Variants in USH1C observed in about 807,000 individuals in gnomAD.
The protein encoded by USH1C is harmonin.
In USH1C, 90 loss-of-function variants were observed where a neutral mutation model predicts 119.3. That is an observed-to-expected ratio of 0.75 (90% CI 0.64 to 0.90). The LOEUF is 0.90. USH1C is among the 40% of genes least tolerant of loss of function. USH1C has a pLI of 0.00. For missense variants in USH1C, 1,165 were observed against 1,167.7 expected (o/e 1.00, Z 0.03); for synonymous variants, 465 against 443.3 (o/e 1.05, Z -0.62).
rs566940973 is a variant in USH1C at position 17,521,513 on chromosome 11, A to G, written c.1020-102T>C. 8.7e-6 allele frequency: 11 copies of G among 1,258,674 alleles called. No individual in the cohort carries two copies. The African/African-American group carries it at 1.5e-4, about 17-fold the overall frequency. 78.0% of individuals were successfully genotyped at this position (1,258,674 alleles called of 1,614,324 possible). A position where few individuals can be genotyped will look rare whatever the true frequency, so the allele number is the denominator to read the frequency against. On this transcript the variant is annotated intron_variant, in intron 12 of 26. Transcript: ENST00000005226. ...TTGGAGAAAAGTTGGATTTTTCTCC[A>G]GGCTCCCTTCCTAGGAGGCCTGGAC...
intron 1 of USH1C, among the ~76,000 whole-genome samples, chr11:17,541,074 G>T (rs186362481): frequency 8.4e-4 from 128 of 152,244 alleles, no homozygotes; most frequent in East Asian, 3.9e-4. Context: ...TTTAGGGAAT[G>T]CTCTTCTACA....
At chr11:17,511,594 G>A (rs991431801) in intron 16 of USH1C, among the ~76,000 whole-genome samples, 1 of 152,142 alleles carries the variant, frequency 6.6e-6, no homozygotes, top group Non-Finnish European at 1.5e-5. Context: ...CCTACCATCT[G>A]GTCAGAAAGG....
intron 23 of USH1C, among the ~76,000 whole-genome samples, chr11:17,499,323 T>G (rs541238954): frequency 6.6e-6 from 1 of 152,320 alleles, no homozygotes; most frequent in African/African-American, 2.4e-5. Context: ...ACACACGTGC[T>G]CCTAGGGAAG....
At chr11:17,502,210 C>T (rs1037177130) in intron 20 of USH1C, among the ~76,000 whole-genome samples, 4 of 152,086 alleles carry the variant, frequency 2.6e-5, no homozygotes, top group Non-Finnish European at 1.5e-5. Flanking sequence ...GGATCTTGAC[C>T]CTGCCCTGCT....
chr11:17,505,802 C>T (rs1302877133), intron 19 of USH1C, 28 bp downstream of exon 19: 2 of 1,613,752 alleles, frequency 1.2e-6, no homozygotes, highest in Non-Finnish European at 1.7e-6. Flanking sequence ...CCTCTAGAGA[C>T]AACCTGGAGG....
rs911185149 is a variant in USH1C, at chr11:17,520,774, C to T, written c.1210+96G>A. On this transcript the variant is annotated intron_variant, in intron 14 of 26. Transcript: ENST00000005226. The stretch of plus-strand genomic sequence containing the variant: ...ATGAAGGAACCACAGCCCAGAGCAC[C>T]AAGGGCTATCCATCTAGGAGGTGGT... The T allele has an allele frequency of 3.4e-6, 5 of 1,460,082 alleles. No homozygotes were observed. The African/African-American group carries it at 7.0e-5, about 20-fold the overall frequency. 90.4% of individuals were successfully genotyped at this position (1,460,082 alleles called of 1,614,324 possible).
intron 19 of USH1C, among the ~76,000 whole-genome samples, chr11:17,505,498 G>A (rs1849614297): frequency 6.6e-6 from 1 of 152,240 alleles, no homozygotes; most frequent in South Asian, 2.1e-4. Flanking sequence ...ATGACCACAG[G>A]AACCATCTCA....
rs566415852 is a variant in USH1C, at chr11:17,527,753, G to A, written c.388-422C>T. Among the ~76,000 whole-genome samples, 5 of 152,304 alleles carry A rather than the reference G, an allele frequency of 3.3e-5. 1 individual carries two copies. The South Asian group carries it at 8.3e-4, about 25-fold the overall frequency. On this transcript the variant is annotated intron_variant, in intron 4 of 26. Transcript: ENST00000005226. ...GGACTTTGTCCCAACCCACCCCTAGGAAGTTGGCTCCCTATCTCTGTTAAT... is the reference window on the plus strand; with the variant it reads ...GGACTTTGTCCCAACCCACCCCTAGAAAGTTGGCTCCCTATCTCTGTTAAT...
intron 1 of USH1C, among the ~76,000 whole-genome samples, chr11:17,539,971 A>G (rs948231995): frequency 1.3e-5 from 2 of 151,536 alleles, no homozygotes; most frequent in East Asian, 1.9e-4. Context: ...AGCTGGGACT[A>G]CAGGTGCACA....
At chr11:17,533,644 C>T in intron 1 of USH1C, 1 of 516,972 alleles carries the variant, frequency 1.9e-6, no homozygotes, top group Non-Finnish European at 3.7e-6. Context: ...GTGACAGTGA[C>T]ACGCTGCCAT....
chr11:17,541,654 C>G (rs914514335), intron 1 of USH1C, among the ~76,000 whole-genome samples: 4 of 152,230 alleles, frequency 2.6e-5, no homozygotes, highest in Non-Finnish European at 5.9e-5. Context: ...CCTGCTCCCC[C>G]ACATCCTGGC....
At position 17,501,519 on chromosome 11, in the gene USH1C, A is replaced by T. The variant is rs974123483; in HGVS notation, c.2243T>A (p.Ile748Asn). The change falls in exon 22 of 27, where the codon ATC (isoleucine) becomes AAC (asparagine). Residue 748 changes from isoleucine to asparagine, a missense_variant. Ile to Asn is a moderately radical substitution (Grantham distance 149). Transcript: ENST00000005226. Reference protein sequence around the residue: ...DPYSMFTPEQIMGKDVRLLRI... With the variant: ...DPYSMFTPEQNMGKDVRLLRI... ...TAGGAGCCGGACATCCTTCCCCATG[A>T]TCTGCTCTGGGGTGAACTAGAGAGA... 1.2e-6 allele frequency: 2 copies of T among 1,612,900 alleles called. No individual in the cohort carries two copies. The highest frequency in any genetic ancestry group is 2.7e-5 in the African/African-American group (2 of 74,896).
chr11:17,521,846 T>C (rs2133872228), intron 12 of USH1C, among the ~76,000 whole-genome samples: 1 of 152,330 alleles, frequency 6.6e-6, no homozygotes, highest in Admixed American at 6.5e-5. Flanking sequence ...AATTGATTGA[T>C]TGATTGAGAC....
At position 17,496,638 on chromosome 11, in the gene USH1C, A is replaced by C. The variant is rs1346598345; in HGVS notation, c.2546+120T>G. 5 of 1,236,930 alleles carry C rather than the reference A, an allele frequency of 4.0e-6. No individual in the cohort carries two copies. In the African/African-American group the frequency reaches 6.0e-5, roughly 15 times the overall value. 76.6% of individuals were successfully genotyped at this position (1,236,930 alleles called of 1,614,324 possible). A position where few individuals can be genotyped will look rare whatever the true frequency, so the allele number is the denominator to read the frequency against. ...TTTTCTAGGAGCTCTGGCTATGAGAAGCTGCGTGCTTGGGCCATTCCTTCA... is the reference window on the plus strand; with the variant it reads ...TTTTCTAGGAGCTCTGGCTATGAGACGCTGCGTGCTTGGGCCATTCCTTCA... On this transcript the variant is annotated intron_variant, in intron 25 of 26. Coordinates refer to ENST00000005226, the MANE Select transcript of USH1C (RefSeq NM_153676.4).
chr11:17,501,458 A>G (rs1299157134), intron 22 of USH1C, 24 bp downstream of exon 22: 1 of 1,609,730 alleles, frequency 6.2e-7, no homozygotes, highest in African/African-American at 1.3e-5. Context: ...ATGGCGGCCC[A>G]CCGGCCTCCA....
At chr11:17,520,790 A>C in intron 14 of USH1C, 80 bp downstream of exon 14, 9 of 1,534,476 alleles carry the variant, frequency 5.9e-6, no homozygotes, top group Non-Finnish European at 8.1e-6. Context: ...CTATCCATCT[A>C]GGAGGTGGTG....
At chr11:17,500,215 G>A (rs72868481) in intron 23 of USH1C, among the ~76,000 whole-genome samples, 37,143 of 152,122 alleles carry the variant, frequency 0.24, 4,753 homozygotes, top group Middle Eastern at 0.33. Context: ...GGGTATGGGG[G>A]CCTCTGGCCC....
intron 19 of USH1C, 69 bp from the exon 20 acceptor site, chr11:17,504,766 C>T: frequency 6.4e-7 from 1 of 1,558,184 alleles, no homozygotes; most frequent in Non-Finnish European, 8.8e-7. Flanking sequence ...CCCCTGGTGC[C>T]AGGCTTCGGG....
At position 17,507,399 on chromosome 11, in the gene USH1C, G is replaced by A. The variant is rs7129544; in HGVS notation, c.2014-1450C>T. On this transcript the variant is annotated intron_variant, in intron 18 of 26. Coordinates refer to ENST00000005226, the MANE Select transcript of USH1C (RefSeq NM_153676.4). Reference sequence around the variant, plus strand: ...ATCAGGAACTAACAGTGGGAACTTGGTGATGCCTTGAAGAATCTGAGAAGT... The same window carrying A: ...ATCAGGAACTAACAGTGGGAACTTGATGATGCCTTGAAGAATCTGAGAAGT... Among the ~76,000 whole-genome samples, 491 of 152,310 alleles carry A rather than the reference G, an allele frequency of 3.2e-3. 4 individuals are homozygous for A. The highest frequency in any genetic ancestry group is 0.011 in the African/African-American group (470 of 41,566).
Sources: gnomAD v4.1 joint callset for allele counts (sites outside exome capture counted in the v4.1 genomes callset) on GRCh38, gnomAD v4.1.1 for gene constraint, MANE v1.5 for transcripts, NCBI Gene and HGNC (gene_info 2026-07-23, HGNC 2026-07-21) for gene names.